The following SMAD9 variants were observed in gnomAD, a reference collection of about 807,000 sequenced individuals.
The protein encoded by SMAD9 is MAD homolog 9.
SMAD9 carries 36 observed loss-of-function variants against 46.1 expected under a neutral mutation model. The ratio of observed to expected loss-of-function variants is 0.78; its 90% CI spans 0.60 to 1.03. The LOEUF (loss-of-function observed/expected upper bound fraction) is 1.03. Ranked by LOEUF, SMAD9 falls within the 50% of genes least tolerant of loss-of-function variation. The pLI is 0.00. For synonymous variants in SMAD9, 245 were observed against 237.1 expected, an observed-to-expected ratio of 1.03 and a Z score of -0.31; for missense variants, 572 against 599.8, an observed-to-expected ratio of 0.95 and a Z score of 0.48.
At chr13:36,919,870 C>A (rs1173148209) in intron 1 of SMAD9, among the ~76,000 whole-genome samples, 1 of 149,204 alleles carries the variant, frequency 6.7e-6, no homozygotes, top group African/African-American at 2.5e-5. Context: ...CCAAAAAACC[C>A]GGGAACAACG....
In SMAD9 at chr13:36,847,513, T is replaced by A. The variant is rs2058044760; in HGVS notation, c.*1163A>T. 1 of 152,230 alleles carries A rather than the reference T, an allele frequency of 6.6e-6. No individual in the cohort carries two copies. The highest frequency in any genetic ancestry group is 6.5e-5 in the Admixed American group (1 of 15,284). 9.4% of individuals were successfully genotyped at this position (152,230 alleles called of 1,614,324 possible). A position where few individuals can be genotyped will look rare whatever the true frequency, so the allele number is the denominator to read the frequency against. ...ACCACTGTTCCCCAGAAATTGCAGA[T>A]GATTATGAAATTATTATCACTTTCC... On this transcript the variant is annotated 3_prime_UTR_variant, in exon 7 of 7. Transcript: ENST00000379826.
intron 5 of SMAD9, among the ~76,000 whole-genome samples, chr13:36,862,375 A>G (rs1290138482): frequency 6.6e-6 from 1 of 152,238 alleles, no homozygotes; most frequent in African/African-American, 2.4e-5. Context: ...AGATGGCATT[A>G]AAGTGACCTC....
intron 1 of SMAD9, among the ~76,000 whole-genome samples, chr13:36,916,887 A>G (rs1566045445): frequency 6.6e-6 from 1 of 151,434 alleles, no homozygotes; most frequent in East Asian, 1.9e-4. Context: ...GAAGCTGGGA[A>G]GGCCTCAGCG....
chr13:36,904,901 T>C (rs752649433), intron 1 of SMAD9, among the ~76,000 whole-genome samples: 10 of 152,258 alleles, frequency 6.6e-5, no homozygotes, highest in Non-Finnish European at 1.2e-4. Flanking sequence ...TAGGATATAG[T>C]AGATGCTTAA....
chr13:36,913,299 T>C (rs1052055364), intron 1 of SMAD9, among the ~76,000 whole-genome samples: 2 of 152,206 alleles, frequency 1.3e-5, no homozygotes, highest in Non-Finnish European at 2.9e-5. Flanking sequence ...TATGAAATCC[T>C]GGAGACTAGG....
chr13:36,873,527 G>A (rs1200368186), intron 2 of SMAD9, among the ~76,000 whole-genome samples: 1 of 152,140 alleles, frequency 6.6e-6, no homozygotes, highest in East Asian at 1.9e-4. Context: ...AAGTTATTAA[G>A]TAAAACACAA....
chr13:36,896,729 C>T (rs2058531714), intron 1 of SMAD9, among the ~76,000 whole-genome samples: 1 of 151,392 alleles, frequency 6.6e-6, no homozygotes, highest in Non-Finnish European at 1.5e-5. Flanking sequence ...ACTGTTTATC[C>T]ACCCAGAGAA....
intron 6 of SMAD9, 122 bp from the exon 7 acceptor site, chr13:36,848,941 G>T: frequency 1.2e-6 from 1 of 853,720 alleles, no homozygotes; most frequent in Non-Finnish European, 1.8e-6. Context: ...ACCTGAGAGG[G>T]AGAGAACATG....
chr13:36,848,354 T>G lies in SMAD9; in HGVS notation c.*322A>C. The G allele has an allele frequency of 2.9e-6, 1 of 346,686 alleles. No homozygotes were observed. The highest frequency in any genetic ancestry group is 2.9e-5 in the South Asian group (1 of 33,954). The allele number at this position is 346,686 out of a possible 1,614,324, so 21.5% of individuals were successfully genotyped here. A position where few individuals can be genotyped will look rare whatever the true frequency, so the allele number is the denominator to read the frequency against. On this transcript the variant is annotated 3_prime_UTR_variant, in exon 7 of 7. Coordinates refer to ENST00000379826, the MANE Select transcript of SMAD9 (RefSeq NM_001127217.3). The stretch of plus-strand genomic sequence containing the variant: ...CTGTGAGGCCACACAACATGCTTTA[T>G]AATGACACGGCTGACTAAAGCTGTC...
intron 3 of SMAD9, among the ~76,000 whole-genome samples, chr13:36,869,215 G>C (rs1307757302): frequency 1.3e-5 from 2 of 151,758 alleles, no homozygotes; most frequent in Non-Finnish European, 2.9e-5. Context: ...CATTATGAAT[G>C]CACCTAATGC....
At chr13:36,865,305 C>T (rs945654370) in intron 5 of SMAD9, among the ~76,000 whole-genome samples, 1 of 152,148 alleles carries the variant, frequency 6.6e-6, no homozygotes, top group African/African-American at 2.4e-5. Flanking sequence ...ATCCCCACTC[C>T]ATGCCACCCC....
chr13:36,914,821 C>T (rs952345518), intron 1 of SMAD9, among the ~76,000 whole-genome samples: 1 of 152,210 alleles, frequency 6.6e-6, no homozygotes, highest in Non-Finnish European at 1.5e-5. Flanking sequence ...CAGTTGAACG[C>T]TACCATCCAT....
At chr13:36,909,916 G>C (rs1036879415) in intron 1 of SMAD9, among the ~76,000 whole-genome samples, 1 of 152,148 alleles carries the variant, frequency 6.6e-6, no homozygotes, top group Admixed American at 6.5e-5. Context: ...AAAAACAACC[G>C]GCTGGGCGCA....
At chr13:36,883,243 CAG>C (rs1192821731) in intron 1 of SMAD9, among the ~76,000 whole-genome samples, 1 of 152,042 alleles carries the variant, frequency 6.6e-6, no homozygotes, top group African/African-American at 2.4e-5. Flanking sequence ...CATAACAAAA[CAG>C]AGCACCCTCA....
At chr13:36,888,925 C>G (rs1032005649) in intron 1 of SMAD9, among the ~76,000 whole-genome samples, 10 of 152,036 alleles carry the variant, frequency 6.6e-5, no homozygotes, top group African/African-American at 2.4e-4. Context: ...CATTTGTTGC[C>G]TTTGGAAAGG....
intron 2 of SMAD9, 121 bp downstream of exon 2, chr13:36,879,157 C>T: frequency 2.4e-6 from 2 of 840,170 alleles, no homozygotes; most frequent in Non-Finnish European, 3.5e-6. Context: ...CCTCCCTCTC[C>T]TCTCTTCTCT....
intron 3 of SMAD9, among the ~76,000 whole-genome samples, chr13:36,871,538 A>AAAAT (rs1461180522): frequency 1.3e-5 from 2 of 152,146 alleles, no homozygotes; most frequent in African/African-American, 4.8e-5. Context: ...ATAAAAAATA[A>AAAAT]AAATAAATAA....
At chr13:36,866,553 A>T (rs1272806907) in intron 4 of SMAD9, among the ~76,000 whole-genome samples, 1 of 152,054 alleles carries the variant, frequency 6.6e-6, no homozygotes, top group Non-Finnish European at 1.5e-5. Context: ...TTGCATCTAG[A>T]GTGTGTTCCT....
At chr13:36,874,312 C>A (rs2058324516) in intron 2 of SMAD9, among the ~76,000 whole-genome samples, 1 of 152,210 alleles carries the variant, frequency 6.6e-6, no homozygotes, top group Admixed American at 6.5e-5. Flanking sequence ...TGCGGGATAA[C>A]TGGAATATTC....
Sources: allele counts gnomAD v4.1 joint callset (sites outside exome capture counted in the v4.1 genomes callset), GRCh38; gene constraint gnomAD v4.1.1; transcripts MANE v1.5; gene names NCBI Gene and HGNC (gene_info 2026-07-23, HGNC 2026-07-21).